The following CNTN4 variants were observed in gnomAD, a reference collection of about 807,000 sequenced individuals.
CNTN4 encodes contactin 4.
A neutral mutation model predicts 122.5 loss-of-function variants in CNTN4; 77 were observed. The ratio of observed to expected loss-of-function variants is 0.63; its 90% confidence interval spans 0.52 to 0.76. The LOEUF is 0.76. Ranked by LOEUF, CNTN4 falls within the 30% of genes least tolerant of loss-of-function variation. CNTN4 has a pLI of 0.00. For missense variants in CNTN4, 1,256 were observed against 1,259.1 expected (o/e 1.00, Z 0.04); for synonymous variants, 512 against 447.0 (o/e 1.15, Z -1.83).
intron 12 of CNTN4, among the ~76,000 whole-genome samples, chr3:2,908,849 C>T (rs1204239040): frequency 1.3e-5 from 2 of 152,092 alleles, no homozygotes; most frequent in Admixed American, 1.3e-4. Context: ...GAAGTAGCTT[C>T]TATCCTGAGG....
In CNTN4 at chr3:2,484,599, G is replaced by A. The variant is rs553313745; in HGVS notation, c.-88-86817G>A. 2.6e-5 allele frequency among the ~76,000 whole-genome samples: 4 copies of A among 152,316 alleles called. No individual in the cohort carries two copies. The South Asian group carries it at 8.3e-4, about 32-fold the overall frequency. On this transcript the variant is annotated intron_variant, in intron 3 of 24. Transcript: ENST00000418658. ...TCAGCACAGGACCAATGTGACTCTT[G>A]TCTCCTTGTATCTGAACTGTCACCC...
chr3:2,677,749 A>C (rs985720840), intron 4 of CNTN4, among the ~76,000 whole-genome samples: 1 of 152,176 alleles, frequency 6.6e-6, no homozygotes, highest in African/African-American at 2.4e-5. Flanking sequence ...GTGAACTTTT[A>C]AAATAGTTGA....
At chr3:2,937,923 A>T (rs1289061163) in intron 13 of CNTN4, among the ~76,000 whole-genome samples, 1 of 152,190 alleles carries the variant, frequency 6.6e-6, no homozygotes, top group South Asian at 2.1e-4. Flanking sequence ...AGGGGAAGAG[A>T]GGGACTCAGC....
At chr3:2,125,378 G>A (rs888263675) in intron 2 of CNTN4, among the ~76,000 whole-genome samples, 2 of 123,228 alleles carry the variant, frequency 1.6e-5, no homozygotes, top group African/African-American at 2.8e-5. Context: ...AACATGCCAC[G>A]TTTTCTTTAT....
intron 2 of CNTN4, among the ~76,000 whole-genome samples, chr3:2,257,717 C>G (rs1172667044): frequency 1.3e-5 from 2 of 152,096 alleles, no homozygotes; most frequent in African/African-American, 4.8e-5. Context: ...AAACGCAAAT[C>G]AAAACCACAA....
chr3:2,451,756 A>G (rs1008585405), intron 3 of CNTN4, among the ~76,000 whole-genome samples: 9 of 152,090 alleles, frequency 5.9e-5, no homozygotes, highest in Admixed American at 6.6e-5. Flanking sequence ...TCATTATTGT[A>G]TCCTGATTAT....
chr3:3,021,102 C>T (rs933507359), intron 14 of CNTN4, among the ~76,000 whole-genome samples: 5 of 152,182 alleles, frequency 3.3e-5, no homozygotes, highest in South Asian at 2.1e-4. Flanking sequence ...CCAGCATGTA[C>T]TTAGTAGCTG....
intron 13 of CNTN4, among the ~76,000 whole-genome samples, chr3:2,934,692 A>T (rs887984960): frequency 1.7e-4 from 26 of 152,256 alleles, no homozygotes; most frequent in African/African-American, 6.0e-4. Flanking sequence ...GTTGCTGCAG[A>T]GCTATAAAGC....
chr3:2,128,139 T>C (rs2034269731), intron 2 of CNTN4, among the ~76,000 whole-genome samples: 1 of 152,206 alleles, frequency 6.6e-6, no homozygotes, highest in South Asian at 2.1e-4. Flanking sequence ...GTCAGGGCTT[T>C]ATCTGCTTGC....
intron 7 of CNTN4, among the ~76,000 whole-genome samples, chr3:2,866,223 T>C (rs2093722610): frequency 6.6e-6 from 1 of 152,182 alleles, no homozygotes; most frequent in Admixed American, 6.5e-5. Flanking sequence ...AGTTACTCTG[T>C]TCCTAGGTGC....
intron 3 of CNTN4, among the ~76,000 whole-genome samples, chr3:2,440,905 CA>C (rs1421124169): frequency 6.9e-6 from 1 of 145,542 alleles, no homozygotes; most frequent in Admixed American, 6.9e-5. Flanking sequence ...ATGTATATAA[CA>C]AAAATATATA....
At chr3:2,214,996 C>T (rs1456520914) in intron 2 of CNTN4, among the ~76,000 whole-genome samples, 2 of 152,154 alleles carry the variant, frequency 1.3e-5, no homozygotes, top group Non-Finnish European at 2.9e-5. Context: ...CATGTATTCA[C>T]AGCCTTTGAA....
chr3:2,106,195 G>C (rs1574833816), intron 2 of CNTN4, among the ~76,000 whole-genome samples: 1 of 152,164 alleles, frequency 6.6e-6, no homozygotes, highest in Non-Finnish European at 1.5e-5. Flanking sequence ...TGCTTTCATG[G>C]CACACAGTGC....
intron 2 of CNTN4, among the ~76,000 whole-genome samples, chr3:2,159,185 C>G (rs1166861637): frequency 6.6e-6 from 1 of 152,152 alleles, no homozygotes; most frequent in African/African-American, 2.4e-5. Flanking sequence ...CAGAATTATA[C>G]TGTATACTTT....
chr3:2,334,322 TA>T (rs1440691971), intron 2 of CNTN4, among the ~76,000 whole-genome samples: 4 of 152,132 alleles, frequency 2.6e-5, no homozygotes, highest in African/African-American at 4.8e-5. Flanking sequence ...CACATCTAGC[TA>T]ATTTTTTGTA....
intron 6 of CNTN4, among the ~76,000 whole-genome samples, chr3:2,806,501 C>G (rs1197352787): frequency 6.6e-6 from 1 of 152,194 alleles, no homozygotes. Context: ...AAAACAGTAA[C>G]TATCCATCGC....
intron 10 of CNTN4, among the ~76,000 whole-genome samples, chr3:2,895,119 A>G (rs565387040): frequency 6.6e-6 from 1 of 152,214 alleles, no homozygotes; most frequent in South Asian, 2.1e-4. Context: ...GGGACTACAG[A>G]CAGGCACCAC....
At chr3:2,569,073 A>G (rs144022971) in intron 3 of CNTN4, among the ~76,000 whole-genome samples, 1 of 152,342 alleles carries the variant, frequency 6.6e-6, no homozygotes, top group Non-Finnish European at 1.5e-5. Context: ...ATCACCATGC[A>G]TGTCAGAAGA....
chr3:3,033,730 G>A (rs1699374535), intron 16 of CNTN4, among the ~76,000 whole-genome samples: 1 of 152,196 alleles, frequency 6.6e-6, no homozygotes, highest in African/African-American at 2.4e-5. Context: ...AGATTTTCAT[G>A]TTGGAAAGTG....
Sources: gnomAD v4.1 joint callset for allele counts (sites outside exome capture counted in the v4.1 genomes callset) on GRCh38, gnomAD v4.1.1 for gene constraint, MANE v1.5 for transcripts, NCBI Gene and HGNC (gene_info 2026-07-23, HGNC 2026-07-21) for gene names.